The following DOCK2 variants were observed in gnomAD, a reference collection of about 807,000 sequenced individuals.
DOCK2 encodes the protein dedicator of cytokinesis protein 2.
DOCK2 carries 87 observed loss-of-function variants against 248.9 expected under a neutral mutation model. The ratio of observed to expected loss-of-function variants is 0.35; its 90% CI spans 0.29 to 0.42. The LOEUF is 0.42. DOCK2 is among the 10% of genes least tolerant of loss of function. The pLI is 1.00. For missense variants in DOCK2, 1,747 were observed against 2,300.2 expected (o/e 0.76, Z 4.92); for synonymous variants, 805 against 821.6 (o/e 0.98, Z 0.35).
chr5:169,775,260 A>C (rs976621419), intron 25 of DOCK2, among the ~76,000 whole-genome samples: 1 of 152,116 alleles, frequency 6.6e-6, no homozygotes, highest in African/African-American at 2.4e-5. Flanking sequence ...TTTCTTTGCT[A>C]CTAAGGAAGC....
At chr5:169,746,076 T>TA (rs1581130888) in intron 22 of DOCK2, among the ~76,000 whole-genome samples, 4 of 152,092 alleles carry the variant, frequency 2.6e-5, no homozygotes, top group Admixed American at 2.6e-4. Context: ...TGACTTCACT[T>TA]ATGCTTCTGA....
intron 26 of DOCK2, among the ~76,000 whole-genome samples, chr5:169,831,166 G>C (rs1489885807): frequency 2.0e-5 from 3 of 151,622 alleles, no homozygotes; most frequent in Non-Finnish European, 2.9e-5. Flanking sequence ...CATTGTTAAT[G>C]GTTTGCCATG....
intron 7 of DOCK2, among the ~76,000 whole-genome samples, chr5:169,682,597 C>T (rs542768096): frequency 6.6e-6 from 1 of 152,282 alleles, no homozygotes; most frequent in East Asian, 1.9e-4. Context: ...AACAGTCTGA[C>T]TTTTATTTAA....
intron 26 of DOCK2, among the ~76,000 whole-genome samples, chr5:169,833,823 T>C (rs1210649261): frequency 6.6e-6 from 1 of 152,206 alleles, no homozygotes; most frequent in East Asian, 1.9e-4. Flanking sequence ...GATCAGACAA[T>C]TCTTATTTGT....
rs1371558140 is a variant in DOCK2 at position 169,711,975 on chromosome 5, G to A, written c.1523G>A (p.Arg508Gln). The A allele has an allele frequency of 3.1e-6, 5 of 1,614,052 alleles. No individual in the cohort carries two copies. The highest frequency in any genetic ancestry group is 4.2e-6 in the Non-Finnish European group (5 of 1,179,966). Residue 508 changes from arginine to glutamine, a missense_variant, in exon 16 of 52, where the codon CGA becomes CAA. Arg to Gln is a conservative substitution (Grantham distance 43). Transcript: ENST00000520908. ...PIEDMQRIHLRFMFRHRSSLE... is the reference protein window; with the variant it reads ...PIEDMQRIHLQFMFRHRSSLE... ...GAAGACATGCAGAGGATCCATCTGC[G>A]ATTCATGTTTCGACATCGGTCATCT... is the stretch of plus-strand genomic sequence containing the variant.
chr5:169,893,809 G>A (rs1017387108), intron 27 of DOCK2, among the ~76,000 whole-genome samples: 1 of 152,176 alleles, frequency 6.6e-6, no homozygotes, highest in Non-Finnish European at 1.5e-5. Context: ...CAATGTTGAC[G>A]TGTCAACATT....
intron 25 of DOCK2, among the ~76,000 whole-genome samples, chr5:169,779,871 C>T (rs765290475): frequency 6.6e-6 from 1 of 152,162 alleles, no homozygotes; most frequent in Non-Finnish European, 1.5e-5. Flanking sequence ...CCTCAGGTTC[C>T]AGGTGTGGAG....
intron 39 of DOCK2, among the ~76,000 whole-genome samples, chr5:170,046,873 A>G (rs1418884989): frequency 2.0e-5 from 3 of 152,136 alleles, no homozygotes; most frequent in African/African-American, 2.4e-5. Context: ...AGATCCACAT[A>G]TATCTTCCAG....
chr5:169,883,621 C>G, intron 27 of DOCK2: 1 of 1,551,504 alleles, frequency 6.4e-7, no homozygotes, highest in Non-Finnish European at 8.7e-7. Flanking sequence ...TGCAATGTTG[C>G]GAAAGCCCCC....
intron 23 of DOCK2, among the ~76,000 whole-genome samples, chr5:169,756,348 C>T (rs1362678896): frequency 6.6e-6 from 1 of 152,254 alleles, no homozygotes; most frequent in Non-Finnish European, 1.5e-5. Context: ...GCAGCAGACA[C>T]TGAAGTCCTG....
chr5:169,882,970 C>G (rs928445393), intron 27 of DOCK2: 1 of 1,551,614 alleles, frequency 6.4e-7, no homozygotes, highest in African/African-American at 1.4e-5. Context: ...TGAGGGGGAA[C>G]TGTGAGTCCG....
chr5:170,031,443 G>A (rs1186452440), intron 34 of DOCK2, among the ~76,000 whole-genome samples: 1 of 152,164 alleles, frequency 6.6e-6, no homozygotes, highest in African/African-American at 2.4e-5. Flanking sequence ...GAAGCAGTGT[G>A]GCAAGTGTCC....
At chr5:169,894,779 C>T (rs1041035126) in intron 27 of DOCK2, among the ~76,000 whole-genome samples, 2 of 152,142 alleles carry the variant, frequency 1.3e-5, no homozygotes, top group Admixed American at 6.5e-5. Context: ...TACCATTATG[C>T]ACTGGGCCCC....
intron 26 of DOCK2, among the ~76,000 whole-genome samples, chr5:169,831,631 T>G (rs749741084): frequency 2.0e-5 from 3 of 152,210 alleles, no homozygotes; most frequent in Non-Finnish European, 4.4e-5. Context: ...CATCTCTAAA[T>G]CTGGAATTGT....
At position 169,894,224 on chromosome 5, in the gene DOCK2, C is replaced by A. The variant is rs185055716; in HGVS notation, c.2799+53372C>A. ...AGATGAGGGAACTGGTAGAGAGGTG[C>A]GAGATTTGCCCAAGATGAAGGTGGT... On this transcript the variant is annotated intron_variant, in intron 27 of 51. Transcript: ENST00000520908. Among the ~76,000 whole-genome samples the A allele has an allele frequency of 4.3e-3, 655 of 152,210 alleles. 7 individuals carry two copies. Among genetic ancestry groups the A allele is most frequent in the African/African-American group, 0.015 (615 of 41,518 alleles).
chr5:170,036,859 G>A (rs775513732), intron 36 of DOCK2, among the ~76,000 whole-genome samples: 21 of 152,166 alleles, frequency 1.4e-4, no homozygotes, highest in Non-Finnish European at 2.1e-4. Flanking sequence ...GCATTGTTGC[G>A]GGCCTGACCT....
intron 14 of DOCK2, among the ~76,000 whole-genome samples, chr5:169,704,401 G>A (rs1467332867): frequency 6.6e-6 from 1 of 152,144 alleles, no homozygotes; most frequent in African/African-American, 2.4e-5. Context: ...GGGCAGAGGA[G>A]GTTAGGCCTG....
chr5:169,856,427 A>G (rs1199682442), intron 27 of DOCK2, among the ~76,000 whole-genome samples: 44 of 151,992 alleles, frequency 2.9e-4, no homozygotes, highest in Admixed American at 2.9e-3. Context: ...ATACAGACTG[A>G]GGTTCATCTG....
intron 7 of DOCK2, among the ~76,000 whole-genome samples, chr5:169,682,508 G>A (rs1029208367): frequency 7.9e-5 from 12 of 152,272 alleles, no homozygotes; most frequent in Admixed American, 5.9e-4. Context: ...AGATCTCAAA[G>A]GGCCTGAGGG....
Sources: gnomAD v4.1 joint callset for allele counts (sites outside exome capture counted in the v4.1 genomes callset) on GRCh38, gnomAD v4.1.1 for gene constraint, MANE v1.5 for transcripts, NCBI Gene and HGNC (gene_info 2026-07-23, HGNC 2026-07-21) for gene names.